The following ZNF615 variants were observed in gnomAD, a reference collection of about 807,000 sequenced individuals.
ZNF615 encodes the protein zinc finger protein 615.
Under a neutral mutation model 15.3 loss-of-function variants are expected in ZNF615, and 15 were observed. The ratio of observed to expected loss-of-function variants is 0.98; its 90% confidence interval spans 0.66 to 1.51. The LOEUF is 1.51. Among genes scored for constraint, ZNF615 ranks in the 40% most tolerant of loss-of-function variants. ZNF615 has a pLI of 0.00. For synonymous variants in ZNF615, 268 were observed against 294.6 expected (o/e 0.91, Z 0.92); for missense variants, 848 against 895.9 (o/e 0.95, Z 0.68).
At chr19:52,002,749 AATGAAAT>A (rs2086637731) in intron 3 of ZNF615, among the ~76,000 whole-genome samples, 2 of 152,160 alleles carry the variant, frequency 1.3e-5, no homozygotes, top group African/African-American at 2.4e-5. Context: ...TTTTATTCTG[AATGAAAT>A]AAAAGAGACT....
Position 51,993,400 on chromosome 19 carries a change from C to T in ZNF615, c.1709G>A (p.Arg570Gln), listed in dbSNP as rs762696316. ...FTEKSHLNVH[R>Q]RTHTGEKPYV... ...GGGTTTCTCTCCTGTATGAGTGCGC[C>T]GATGTACATTGAGATGACTCTTCTC... The change falls in exon 7 of 7, where the codon CGG becomes CAG. Residue 570 changes from arginine (R) to glutamine (Q), a missense_variant. Transcript: ENST00000598071. The T allele has an allele frequency of 1.7e-5, 27 of 1,612,470 alleles. No individual in the cohort carries two copies. Among genetic ancestry groups the T allele is most frequent in the African/African-American group, 1.1e-4 (8 of 74,328 alleles).
rs1172310589 is a variant in ZNF615, at chr19:51,996,385, C to CAAAAAAAAAA, written c.272-1558_272-1549dup. Reference sequence around the variant, plus strand: ...GGGGTGACACAGCAAGACTCTGTCTCAAAAAAAAAAAAAAAAAAAAAAACG... The same window carrying CAAAAAAAAAA: ...GGGGTGACACAGCAAGACTCTGTCTCAAAAAAAAAAAAAAAAAAAAAAAAAAAAAAAAACG... On this transcript the variant is annotated intron_variant, in intron 6 of 6. Coordinates refer to ENST00000598071, the MANE Select transcript of ZNF615 (RefSeq NM_001199324.2). 6.1e-3 allele frequency among the ~76,000 whole-genome samples: 202 copies of CAAAAAAAAAA among 33,302 alleles called. 22 individuals carry two copies. Among genetic ancestry groups the CAAAAAAAAAA allele is most frequent in the African/African-American group, 0.023 (195 of 8,352 alleles). 21.8% of individuals were successfully genotyped at this position (33,302 alleles called of 152,430 possible).
chr19:52,002,185 A>G lies in ZNF615; in HGVS notation c.112T>C (p.Leu38=). ...GCCACCAGGTTGCTGTAGTTCTCCA[A>G]CATCACGTCCCGGTACAGGTCCTTC... ...AQKDLYRDVM[L]ENYSNLVAVG... Residue 38 remains leucine (L), a synonymous_variant, in exon 4 of 7, where the codon TTG becomes CTG. Coordinates refer to ENST00000598071, the MANE Select transcript of ZNF615 (RefSeq NM_001199324.2). 1 of 1,614,194 alleles carries G rather than the reference A, an allele frequency of 6.2e-7. No individual in the cohort carries two copies. The highest frequency in any genetic ancestry group is 8.5e-7 in the Non-Finnish European group (1 of 1,180,036).
intron 2 of ZNF615, among the ~76,000 whole-genome samples, chr19:52,004,230 G>T (rs755185306): frequency 2.9e-4 from 44 of 152,066 alleles, no homozygotes; most frequent in Non-Finnish European, 4.7e-4. Context: ...CAGTTAAGAT[G>T]CACACATTTT....
chr19:51,993,489 T>C lies in ZNF615; in HGVS notation c.1620A>G (p.Gly540=), dbSNP rs777620043. ...TCTCTCCTGTATGAGTTCGTTGATGTCCCATTAGCCGGATCTTTGCTGGAA... is the reference window on the plus strand; with the variant it reads ...TCTCTCCTGTATGAGTTCGTTGATGCCCCATTAGCCGGATCTTTGCTGGAA... ...KGFPAKIRLM[G]HQRTHTGEKP... Residue 540 remains glycine (G), a synonymous_variant, in exon 7 of 7, where the codon GGA becomes GGG. Coordinates refer to ENST00000598071, the MANE Select transcript of ZNF615 (RefSeq NM_001199324.2). 8 of 1,613,880 alleles carry C rather than the reference T, an allele frequency of 5.0e-6. No homozygotes were observed. In the East Asian group the frequency reaches 1.6e-4, roughly 31 times the overall value.
rs116276772 is a variant in ZNF615, at chr19:52,007,955, G to C, written c.-228+186C>G. On this transcript the variant is annotated intron_variant, in intron 1 of 6. Transcript: ENST00000598071. ...ATCACACACACACACACCCTATCAC[G>C]GACCTCTTGTAGTTCCCCTGCGATA... is the stretch of plus-strand genomic sequence containing the variant. 2,178 of 601,168 alleles carry C rather than the reference G, an allele frequency of 3.6e-3. 36 individuals are homozygous for C. Among genetic ancestry groups the C allele is most frequent in the African/African-American group, 0.036 (1,941 of 53,850 alleles). 37.2% of individuals were successfully genotyped at this position (601,168 alleles called of 1,614,324 possible). A position where few individuals can be genotyped will look rare whatever the true frequency, so the allele number is the denominator to read the frequency against.
chr19:52,001,793 T>G lies in ZNF615; in HGVS notation c.238+20A>C, dbSNP rs776819200. The G allele has an allele frequency of 8.2e-5, 132 of 1,608,992 alleles. No homozygotes were observed. The highest frequency in any genetic ancestry group is 4.9e-4 in the Middle Eastern group (3 of 6,074). On this transcript the variant is annotated intron_variant, in intron 5 of 6. Coordinates refer to ENST00000598071, the MANE Select transcript of ZNF615 (RefSeq NM_001199324.2). ...AACATGGTGTCTGTGGCTGTCCACC[T>G]GGCTGCTCCTCTCACTCACCAGAAC...
chr19:52,004,387 C>CT (rs5828503), intron 2 of ZNF615: 126 of 149,702 alleles, frequency 8.4e-4, no homozygotes, highest in Middle Eastern at 3.4e-3. Context: ...GACTTTTTTT[C>CT]TTTTTTTTTT....
At chr19:52,006,754 C>T (rs1284435366) in intron 2 of ZNF615, among the ~76,000 whole-genome samples, 1 of 152,094 alleles carries the variant, frequency 6.6e-6, no homozygotes, top group Non-Finnish European at 1.5e-5. Context: ...AGGTGGTAGG[C>T]ATATTGGTAT....
Position 51,993,325 on chromosome 19 carries a change from A to T in ZNF615, c.1784T>A (p.Ile595Asn), listed in dbSNP as rs759165245. 1 of 1,614,026 alleles carries T rather than the reference A, an allele frequency of 6.2e-7. No homozygotes were observed. Among genetic ancestry groups the T allele is most frequent in the Admixed American group, 1.7e-5 (1 of 60,010 alleles). Residue 595 changes from isoleucine (I) to asparagine (N), a missense_variant, in exon 7 of 7, where the codon ATT becomes AAT. Transcript: ENST00000598071. ...GKGLTGKSML[I>N]AHQRTHTGEK... ...CCCAGTATGAGTTCGCTGATGTGCA[A>T]TGAGCATGCTTTTCCCAGTTAAGCC...
At chr19:52,002,530 G>A (rs2086630527) in intron 3 of ZNF615, 2 of 575,672 alleles carry the variant, frequency 3.5e-6, no homozygotes, top group Non-Finnish European at 6.5e-6. Context: ...GCTAATGAAA[G>A]AACATCTATA....
At chr19:52,000,421 A>C (rs962464355) in intron 5 of ZNF615, 43 bp from the exon 6 acceptor site, 3 of 610,390 alleles carry the variant, frequency 4.9e-6, no homozygotes, top group Non-Finnish European at 8.8e-6. Context: ...TAAAAAAATA[A>C]AATTATATAA....
Position 51,994,755 on chromosome 19 carries a change from C to G in ZNF615, c.354G>C (p.Gln118His). 1 of 1,613,718 alleles carries G rather than the reference C, an allele frequency of 6.2e-7. No individual in the cohort carries two copies. The highest frequency in any genetic ancestry group is 8.5e-7 in the Non-Finnish European group (1 of 1,179,936). Residue 118 changes from glutamine to histidine, a missense_variant, in exon 7 of 7, where the codon CAG (glutamine) becomes CAC (histidine). Gln to His is a conservative substitution (Grantham distance 24). Transcript: ENST00000598071. ...IQKSVKQCHE[Q>H]NMFGNIVNQN... Reference sequence around the variant, plus strand: ...GATTAACAATATTTCCAAACATATTCTGTTCATGGCACTGTTTCACACTCT... The same window carrying G: ...GATTAACAATATTTCCAAACATATTGTGTTCATGGCACTGTTTCACACTCT...
Position 51,992,574 on chromosome 19 carries a change from T to A in ZNF615, c.*306A>T. On this transcript the variant is annotated 3_prime_UTR_variant, in exon 7 of 7. Coordinates refer to ENST00000598071, the MANE Select transcript of ZNF615 (RefSeq NM_001199324.2). The stretch of plus-strand genomic sequence containing the variant: ...AAGTTTTATTTTTGGGCAAAGACGT[T>A]CCTATAATTATTACATTTCCACGAA... 1 of 259,286 alleles carries A rather than the reference T, an allele frequency of 3.9e-6. No homozygotes were observed. The highest frequency in any genetic ancestry group is 7.5e-5 in the East Asian group (1 of 13,326). The allele number at this position is 259,286 out of a possible 1,614,324, so 16.1% of individuals were successfully genotyped here.
chr19:52,003,704 T>C lies in ZNF615; in HGVS notation c.8A>G (p.Gln3Arg). Reference sequence around the variant, plus strand: ...AAACAAACCAAAAGTCACCTGGGCCTGCATCATTGTCTCCTAAATTTGGGA... The same window carrying C: ...AAACAAACCAAAAGTCACCTGGGCCCGCATCATTGTCTCCTAAATTTGGGA... MM[Q>R]AQESLTLEDV... The change falls in exon 3 of 7, where the codon CAG becomes CGG. Residue 3 changes from glutamine to arginine, a missense_variant. Gln to Arg is a conservative substitution (Grantham distance 43, BLOSUM62 1). Coordinates refer to ENST00000598071, the MANE Select transcript of ZNF615 (RefSeq NM_001199324.2). The C allele has an allele frequency of 1.2e-6, 2 of 1,612,596 alleles. No homozygotes were observed. The highest frequency in any genetic ancestry group is 1.7e-6 in the Non-Finnish European group (2 of 1,179,168).
intron 1 of ZNF615, 124 bp downstream of exon 1, chr19:52,008,017 A>T: frequency 1.2e-6 from 1 of 866,312 alleles, no homozygotes; most frequent in Non-Finnish European, 1.8e-6. Flanking sequence ...AAAGAATTCC[A>T]CTGGCGTCGC....
chr19:51,993,763 G>A lies in ZNF615; in HGVS notation c.1346C>T (p.Ala449Val). The change falls in exon 7 of 7, where the codon GCT becomes GTT. Residue 449 changes from alanine (A) to valine (V), a missense_variant. Ala to Val is a moderately conservative substitution (Grantham distance 64, BLOSUM62 0). Transcript: ENST00000598071. The part of the protein sequence containing the change: ...YKCNECGKGF[A>V]LKSPLIRHQR... ...ATGTCTGATGAGTGGGCTCTTCAAAGCGAAGCCCTTTCCACACTCATTGCA... is the reference window on the plus strand; with the variant it reads ...ATGTCTGATGAGTGGGCTCTTCAAAACGAAGCCCTTTCCACACTCATTGCA... 2 of 1,613,998 alleles carry A rather than the reference G, an allele frequency of 1.2e-6. No homozygotes were observed. Among genetic ancestry groups the A allele is most frequent in the Non-Finnish European group, 1.7e-6 (2 of 1,180,010 alleles).
Position 52,003,687 on chromosome 19 carries a change from CAA to C in ZNF615, c.15+8_15+9del, listed in dbSNP as rs763219911. On this transcript the variant is annotated splice_region_variant and intron_variant, in intron 3 of 6. Transcript: ENST00000598071. ...GAATAAAGGAAAGAATAAAACAAAC[CAA>C]AAGTCACCTGGGCCTGCATCATTGT... The C allele has an allele frequency of 2.7e-5, 44 of 1,610,906 alleles. No homozygotes were observed. The highest frequency in any genetic ancestry group is 3.6e-5 in the Non-Finnish European group (43 of 1,178,256).
At chr19:51,996,845 A>G (rs546384075) in intron 6 of ZNF615, among the ~76,000 whole-genome samples, 1 of 152,368 alleles carries the variant, frequency 6.6e-6, no homozygotes, top group African/African-American at 2.4e-5. Flanking sequence ...TAGGAGTGGT[A>G]AGAATGTAAT....
Sources: allele counts gnomAD v4.1 joint callset (sites outside exome capture counted in the v4.1 genomes callset), GRCh38; gene constraint gnomAD v4.1.1; transcripts MANE v1.5; gene names NCBI Gene and HGNC (gene_info 2026-07-23, HGNC 2026-07-21).